Variants in EPHB3 observed in about 807,000 individuals in gnomAD.
EPHB3 encodes the protein ephrin type-B receptor 3.
Under a neutral mutation model 100.2 loss-of-function variants are expected in EPHB3, and 33 were observed. That is an observed-to-expected ratio of 0.33 (90% CI 0.25 to 0.44). The LOEUF (loss-of-function observed/expected upper bound fraction) is 0.44. Among genes scored for constraint, EPHB3 ranks in the 20% least tolerant of loss-of-function variants. EPHB3 has a pLI of 1.00. For synonymous variants in EPHB3, 526 were observed against 554.7 expected (o/e 0.95, Z 0.73); for missense variants, 1,045 against 1,378.3 (o/e 0.76, Z 3.83).
Position 184,562,597 on chromosome 3 carries a change from GT to G in EPHB3, c.118+245del, listed in dbSNP as rs1024768688. Among the ~76,000 whole-genome samples, 2 of 152,044 alleles carry G rather than the reference GT, an allele frequency of 1.3e-5. No homozygotes were observed. The highest frequency in any genetic ancestry group is 1.3e-4 in the Admixed American group (2 of 15,280). ...GCGGGGAGCTAGACTCGGGACGAAC[GT>G]CCCCCAGAGTCCTGGCCCTGCTGTG... On this transcript the variant is annotated intron_variant, in intron 1 of 15. Coordinates refer to ENST00000330394, the MANE Select transcript of EPHB3 (RefSeq NM_004443.4). This position sits in a 1 kb window ranked among gnomAD's most constrained non-coding sequence, Gnocchi z 4.8.
Position 184,581,626 on chromosome 3 carries a change from C to G in EPHB3, c.*4C>G. On this transcript the variant is annotated 3_prime_UTR_variant, in exon 16 of 16. Transcript: ENST00000330394. Reference sequence around the variant, plus strand: ...GACGCTGCCTGTGCAGGTCTGACACCGGCTCCCACGGGGACCCTGAGGACC... The same window carrying G: ...GACGCTGCCTGTGCAGGTCTGACACGGGCTCCCACGGGGACCCTGAGGACC... 2 of 1,600,986 alleles carry G rather than the reference C, an allele frequency of 1.2e-6. No individual in the cohort carries two copies. Among genetic ancestry groups the G allele is most frequent in the Non-Finnish European group, 8.5e-7 (1 of 1,174,112 alleles).
rs1048471867 is a variant in EPHB3 at position 184,579,106 on chromosome 3, T to C, written c.1802-371T>C. ...CTGGGGAGTAATACAATGAAAGGATTGTTTTAGGAAGACAGCGGTATGCAG... is the reference window on the plus strand; with the variant it reads ...CTGGGGAGTAATACAATGAAAGGATCGTTTTAGGAAGACAGCGGTATGCAG... On this transcript the variant is annotated intron_variant, in intron 9 of 15. Coordinates refer to ENST00000330394, the MANE Select transcript of EPHB3 (RefSeq NM_004443.4). This position sits in a 1 kb window ranked among gnomAD's most constrained non-coding sequence, Gnocchi z 5.2. Among the ~76,000 whole-genome samples, 5 of 151,916 alleles carry C rather than the reference T, an allele frequency of 3.3e-5. No individual in the cohort carries two copies. The highest frequency in any genetic ancestry group is 1.2e-4 in the African/African-American group (5 of 41,350).
rs1714704902 is a variant in EPHB3, at chr3:184,577,371, G to A, written c.1383G>A (p.Leu461=). ...AAPSEVPTLR[L]HSSSGSSLTL... ...CGTCTGAAGTGCCCACACTACGCCTGCACAGCAGCTCAGGCAGCAGCCTCA... is the reference window on the plus strand; with the variant it reads ...CGTCTGAAGTGCCCACACTACGCCTACACAGCAGCTCAGGCAGCAGCCTCA... The change falls in exon 6 of 16, where the codon CTG becomes CTA. Residue 461 remains leucine (L), a synonymous_variant. Coordinates refer to ENST00000330394, the MANE Select transcript of EPHB3 (RefSeq NM_004443.4). The surrounding 1 kb of genome is among the most constrained non-coding windows in gnomAD (Gnocchi z 4.9). 2.5e-6 allele frequency: 4 copies of A among 1,613,778 alleles called. No individual in the cohort carries two copies. The East Asian group carries it at 8.9e-5, about 36-fold the overall frequency.
rs893758077 is a variant in EPHB3 at position 184,563,887 on chromosome 3, C to T, written c.118+1534C>T. The stretch of plus-strand genomic sequence containing the variant: ...GGGGCTATGTGTCACCTGTGTGTGT[C>T]GGGCCACAAGGCCCTTGTTGTGGGT... On this transcript the variant is annotated intron_variant, in intron 1 of 15. Transcript: ENST00000330394. This position sits in a 1 kb window ranked among gnomAD's most constrained non-coding sequence, Gnocchi z 4.1. Among the ~76,000 whole-genome samples the T allele has an allele frequency of 3.9e-5, 6 of 152,204 alleles. No individual in the cohort carries two copies. Among genetic ancestry groups the T allele is most frequent in the African/African-American group, 1.2e-4 (5 of 41,450 alleles).
At position 184,581,385 on chromosome 3, in the gene EPHB3, C is replaced by G. The variant is rs1357073362; in HGVS notation, c.2865C>G (p.Asp955Glu). 7.5e-6 allele frequency: 12 copies of G among 1,592,274 alleles called. No individual in the cohort carries two copies. Among genetic ancestry groups the G allele is most frequent in the Non-Finnish European group, 1.0e-5 (12 of 1,168,356 alleles). ...SFVSAGFASF[D>E]LVAQMTAEDL... ...TCAGTGCGGGGTTTGCATCTTTTGA[C>G]CTGGTGGCCCAGATGACGGCAGAGT... Residue 955 changes from aspartate (D) to glutamate (E), a missense_variant, in exon 15 of 16, where the codon GAC (aspartate) becomes GAG (glutamate). Coordinates refer to ENST00000330394, the MANE Select transcript of EPHB3 (RefSeq NM_004443.4).
At chr3:184,566,210 G>A (rs1714380694) in intron 1 of EPHB3, among the ~76,000 whole-genome samples, 1 of 152,210 alleles carries the variant, frequency 6.6e-6, no homozygotes. Context: ...TTAAGGGCTA[G>A]CTGTCCACCC....
rs1714304958 is a variant in EPHB3 at position 184,563,244 on chromosome 3, C to G, written c.118+891C>G. On this transcript the variant is annotated intron_variant, in intron 1 of 15. Transcript: ENST00000330394. This position sits in a 1 kb window ranked among gnomAD's most constrained non-coding sequence, Gnocchi z 4.1. ...CAGAGGCCCCAACACCAGCCACAAA[C>G]AATAGGGAGGCCCACACACACTCAC... is the stretch of plus-strand genomic sequence containing the variant. Among the ~76,000 whole-genome samples the G allele has an allele frequency of 6.6e-6, 1 of 152,172 alleles. No homozygotes were observed. The highest frequency in any genetic ancestry group is 1.5e-5 in the Non-Finnish European group (1 of 68,028).
Position 184,578,217 on chromosome 3 carries a change from G to A in EPHB3, c.1749-197G>A, listed in dbSNP as rs1028579500. ...TCCATACCCCATTCCCTGAATCTCC[G>A]GGCAGGTTCCCTAGGGACTGAGTCC... On this transcript the variant is annotated intron_variant, in intron 8 of 15. Coordinates refer to ENST00000330394, the MANE Select transcript of EPHB3 (RefSeq NM_004443.4). This position sits in a 1 kb window ranked among gnomAD's most constrained non-coding sequence, Gnocchi z 4.7. 2.6e-5 allele frequency: 23 copies of A among 887,362 alleles called. No individual in the cohort carries two copies. Among genetic ancestry groups the A allele is most frequent in the African/African-American group, 1.9e-4 (11 of 59,396 alleles). The allele number at this position is 887,362 out of a possible 1,614,324, so 55.0% of individuals were successfully genotyped here.
rs773915108 is a variant in EPHB3 at position 184,580,713 on chromosome 3, G to C, written c.2389-16G>C. ...CCCGGAGTCACAGGGTGAAGGGCCTGTGCCCCCCTCACCAGGGCGGGAAGA... is the reference window on the plus strand; with the variant it reads ...CCCGGAGTCACAGGGTGAAGGGCCTCTGCCCCCCTCACCAGGGCGGGAAGA... On this transcript the variant is annotated splice_polypyrimidine_tract_variant and intron_variant, in intron 12 of 15. Transcript: ENST00000330394. 1 of 1,613,194 alleles carries C rather than the reference G, an allele frequency of 6.2e-7. No homozygotes were observed. Among genetic ancestry groups the C allele is most frequent in the African/African-American group, 1.3e-5 (1 of 75,052 alleles).
In EPHB3 at chr3:184,577,524, C is replaced by A. The variant is rs1454342134; in HGVS notation, c.1479+57C>A. The stretch of plus-strand genomic sequence containing the variant: ...GGGCTGAGCTGGGCTGAGAAAATTA[C>A]CCCCGGATCATGATGGGGCCCTTGG... On this transcript the variant is annotated intron_variant, in intron 6 of 15. Transcript: ENST00000330394. This position sits in a 1 kb window ranked among gnomAD's most constrained non-coding sequence, Gnocchi z 4.9. 6 of 1,606,318 alleles carry A rather than the reference C, an allele frequency of 3.7e-6. No individual in the cohort carries two copies. In the African/African-American group the frequency reaches 4.0e-5, roughly 11 times the overall value.
chr3:184,562,348 T>G lies in EPHB3; in HGVS notation c.113T>G (p.Leu38Arg). 1 of 1,232,680 alleles carries G rather than the reference T, an allele frequency of 8.1e-7. No homozygotes were observed. The highest frequency in any genetic ancestry group is 1.0e-6 in the Non-Finnish European group (1 of 988,750). 76.4% of individuals were successfully genotyped at this position (1,232,680 alleles called of 1,614,324 possible). ...CTGCTGCCCGCCGGCTGCCGGGCGC[T>G]GGAAGGTGAGCGGCGTCGGGGGGCG... ...LLLLPAGCRALEETLMDTKWV... is the reference protein window; with the variant it reads ...LLLLPAGCRAREETLMDTKWV... The change falls in exon 1 of 16, where the codon CTG (leucine) becomes CGG (arginine). Residue 38 changes from leucine (L) to arginine (R), a missense_variant. Physicochemically the swap from Leu to Arg is moderately radical, Grantham distance 102 (BLOSUM62 -2). This residue lies in a region of EPHB3 where 60 missense variants were observed against 47.2 expected (regional missense o/e 1.27). Coordinates refer to ENST00000330394, the MANE Select transcript of EPHB3 (RefSeq NM_004443.4). This position sits in a 1 kb window ranked among gnomAD's most constrained non-coding sequence, Gnocchi z 4.8.
At position 184,565,851 on chromosome 3, in the gene EPHB3, C is replaced by A. The variant is rs149415815; in HGVS notation, c.118+3498C>A. Among the ~76,000 whole-genome samples the A allele has an allele frequency of 0.016, 2,410 of 152,366 alleles. 30 individuals are homozygous for A. The highest frequency in any genetic ancestry group is 0.037 in the Middle Eastern group (11 of 294). On this transcript the variant is annotated intron_variant, in intron 1 of 15. Coordinates refer to ENST00000330394, the MANE Select transcript of EPHB3 (RefSeq NM_004443.4). This position sits in a 1 kb window ranked among gnomAD's most constrained non-coding sequence, Gnocchi z 4.8. The stretch of plus-strand genomic sequence containing the variant: ...GCTGCTGCTGCCACTGCAGCTTCAG[C>A]GGCTGCTGCGAGCTGAAGCCGAAGC...
rs948987235 is a variant in EPHB3, at chr3:184,578,132, G to A, written c.1748+126G>A. ...GACCCAGGGCCTTAGCCCTCCTGGG[G>A]CCAGCCGTTGCTGGAGAAGCCCTCT... On this transcript the variant is annotated intron_variant, in intron 8 of 15. Transcript: ENST00000330394. The surrounding 1 kb of genome is among the most constrained non-coding windows in gnomAD (Gnocchi z 4.7). The A allele has an allele frequency of 1.3e-3, 1,415 of 1,099,008 alleles. 4 individuals carry two copies. Among genetic ancestry groups the A allele is most frequent in the Non-Finnish European group, 9.8e-4 (765 of 780,744 alleles). 68.1% of individuals were successfully genotyped at this position (1,099,008 alleles called of 1,614,324 possible).
In EPHB3 at chr3:184,562,855, C is replaced by T. The variant is rs973528815; in HGVS notation, c.118+502C>T. ...ATTTGTCAGGGGACCGCTGCGGGGG[C>T]GGACAGGCGGGGGCCTGTTATTGTT... On this transcript the variant is annotated intron_variant, in intron 1 of 15. Coordinates refer to ENST00000330394, the MANE Select transcript of EPHB3 (RefSeq NM_004443.4). The surrounding 1 kb of genome is among the most constrained non-coding windows in gnomAD (Gnocchi z 4.8). Among the ~76,000 whole-genome samples the T allele has an allele frequency of 1.1e-4, 17 of 152,180 alleles. 1 individual carries two copies. The highest frequency in any genetic ancestry group is 9.8e-4 in the Admixed American group (15 of 15,292).
rs764136769 is a variant in EPHB3, at chr3:184,572,566, T to C, written c.246T>C (p.Asn82=). The C allele has an allele frequency of 9.0e-6, 14 of 1,548,008 alleles. No homozygotes were observed. The highest frequency in any genetic ancestry group is 1.2e-5 in the Non-Finnish European group (14 of 1,151,216). Residue 82 remains asparagine, a synonymous_variant, in exon 3 of 16, where the codon AAT becomes AAC. Transcript: ENST00000330394. The surrounding 1 kb of genome is among the most constrained non-coding windows in gnomAD (Gnocchi z 6.6). ...CCATCCGCACATACCAGGTGTGTAA[T>C]GTGCGCGAGTCAAGCCAGAACAACT... The part of the protein sequence containing the change: ...MNPIRTYQVC[N]VRESSQNNWL...
rs1714350052 is a variant in EPHB3, at chr3:184,565,091, G to A, written c.118+2738G>A. Among the ~76,000 whole-genome samples the A allele has an allele frequency of 6.6e-6, 1 of 152,006 alleles. No homozygotes were observed. ...TCCTCTTCCCTTCCTGCACACTTGG[G>A]GGTCACCAAGACTCTGCATCCAAGG... On this transcript the variant is annotated intron_variant, in intron 1 of 15. Coordinates refer to ENST00000330394, the MANE Select transcript of EPHB3 (RefSeq NM_004443.4). The surrounding 1 kb of genome is among the most constrained non-coding windows in gnomAD (Gnocchi z 4.8).
Position 184,578,812 on chromosome 3 carries a change from G to C in EPHB3, c.1801+346G>C, listed in dbSNP as rs371370391. On this transcript the variant is annotated intron_variant, in intron 9 of 15. Transcript: ENST00000330394. The surrounding 1 kb of genome is among the most constrained non-coding windows in gnomAD (Gnocchi z 4.7). ...GCACTAAGAGTTTAGAGAAGAGGAA[G>C]GCTTCCTCGAGGAGGTGGACTTGAG... is the stretch of plus-strand genomic sequence containing the variant. Among the ~76,000 whole-genome samples, 1 of 152,336 alleles carries C rather than the reference G, an allele frequency of 6.6e-6. No individual in the cohort carries two copies. The highest frequency in any genetic ancestry group is 2.4e-5 in the African/African-American group (1 of 41,578).
Position 184,581,336 on chromosome 3 carries a change from T to TG in EPHB3, c.2820dup (p.Arg941AlafsTer15), listed in dbSNP as rs1714815495. The TG allele has an allele frequency of 6.2e-7, 1 of 1,610,452 alleles. No homozygotes were observed. Among genetic ancestry groups the TG allele is most frequent in the African/African-American group, 1.3e-5 (1 of 74,886 alleles). Reference sequence around the variant, plus strand: ...GGTGATTGGCTGGATGCCATCAAGATGGGGCGGTACAAGGAGAGCTTCGTC... The same window carrying TG: ...GGTGATTGGCTGGATGCCATCAAGATGGGGGCGGTACAAGGAGAGCTTCGTC... On this transcript the variant is annotated frameshift_variant, in exon 15 of 16. Transcript: ENST00000330394. LOFTEE classifies it high-confidence loss of function.
At position 184,571,285 on chromosome 3, in the gene EPHB3, A is replaced by T; in HGVS notation, c.119-33A>T. 6.2e-7 allele frequency: 1 copy of T among 1,611,578 alleles called. No homozygotes were observed. Among genetic ancestry groups the T allele is most frequent in the Non-Finnish European group, 8.5e-7 (1 of 1,177,836 alleles). Reference sequence around the variant, plus strand: ...TCTTCTGTCTCCTCAACCTGAGATTAGTCCCTGACCTTTTTCTCCGTTGTT... The same window carrying T: ...TCTTCTGTCTCCTCAACCTGAGATTTGTCCCTGACCTTTTTCTCCGTTGTT... On this transcript the variant is annotated intron_variant, in intron 1 of 15. Transcript: ENST00000330394. This position sits in a 1 kb window ranked among gnomAD's most constrained non-coding sequence, Gnocchi z 5.0.
Sources: allele counts gnomAD v4.1 joint callset (sites outside exome capture counted in the v4.1 genomes callset), GRCh38; gene constraint gnomAD v4.1.1; regional missense constraint gnomAD v4.1.1; non-coding constraint Gnocchi (gnomAD v3.1); transcripts MANE v1.5; gene names NCBI Gene and HGNC (gene_info 2026-07-23, HGNC 2026-07-21).